Variants in KANK1 observed in about 807,000 individuals in gnomAD.
KANK1 encodes KN motif and ankyrin repeat domains 1.
In KANK1, 109 loss-of-function variants were observed where a neutral mutation model predicts 106.2. The observed-to-expected ratio is 1.03, with a 90% CI of 0.88 to 1.20. The LOEUF is 1.20. KANK1 is among the 50% of genes most tolerant of loss of function. The pLI is 0.00. For missense variants in KANK1, 2,399 were observed against 1,710.7 expected, an observed-to-expected ratio of 1.40 and a Z score of -7.10; for synonymous variants, 873 against 652.2, an observed-to-expected ratio of 1.34 and a Z score of -5.16.
At chr9:538,379 A>G (rs2060415792) in intron 1 of KANK1, among the ~76,000 whole-genome samples, 1 of 152,188 alleles carries the variant, frequency 6.6e-6, no homozygotes, top group Admixed American at 6.5e-5. Flanking sequence ...CATCTTACAC[A>G]TTTCAGAATT....
intron 1 of KANK1, among the ~76,000 whole-genome samples, chr9:637,690 T>G (rs1220820876): frequency 4.6e-5 from 7 of 152,146 alleles, no homozygotes; most frequent in Non-Finnish European, 1.0e-4. Context: ...TTTTTCTAGT[T>G]AAATATTTAA....
intron 3 of KANK1, among the ~76,000 whole-genome samples, chr9:719,136 T>TA (rs1828603104): frequency 6.6e-6 from 1 of 151,972 alleles, no homozygotes. Context: ...AATTTTTTTT[T>TA]ATTATTATTT....
chr9:614,620 A>C (rs1485261609), intron 1 of KANK1, among the ~76,000 whole-genome samples: 1 of 152,036 alleles, frequency 6.6e-6, no homozygotes, highest in African/African-American at 2.4e-5. Flanking sequence ...GCCCTTGCCC[A>C]CTAAATGCCG....
chr9:642,174 G>T (rs555790906), intron 1 of KANK1, among the ~76,000 whole-genome samples: 2 of 151,512 alleles, frequency 1.3e-5, no homozygotes, highest in South Asian at 4.1e-4. Context: ...GGCAGATGCT[G>T]GGCTTTTTAA....
intron 1 of KANK1, among the ~76,000 whole-genome samples, chr9:651,961 T>C (rs1012812824): frequency 1.3e-5 from 2 of 152,202 alleles, no homozygotes; most frequent in Admixed American, 1.3e-4. Context: ...GTTTTGAGGA[T>C]GTGTTTACTA....
chr9:575,529 A>G (rs1587950919), intron 1 of KANK1, among the ~76,000 whole-genome samples: 2 of 145,154 alleles, frequency 1.4e-5, no homozygotes, highest in African/African-American at 5.1e-5. Context: ...AAAAAAAGCC[A>G]GGAATGGTGA....
intron 1 of KANK1, among the ~76,000 whole-genome samples, chr9:645,117 C>T (rs1368283664): frequency 9.4e-6 from 1 of 106,372 alleles, no homozygotes; most frequent in East Asian, 3.0e-4. Flanking sequence ...GGGCAAGACT[C>T]CATCTCTACA....
intron 1 of KANK1, among the ~76,000 whole-genome samples, chr9:590,564 A>G (rs532005245): frequency 1.1e-4 from 17 of 152,192 alleles, no homozygotes; most frequent in Non-Finnish European, 2.2e-4. Flanking sequence ...TGAAAGATGT[A>G]TCGATAAATA....
intron 1 of KANK1, among the ~76,000 whole-genome samples, chr9:595,367 G>C (rs957335043): frequency 2.6e-5 from 4 of 151,896 alleles, no homozygotes; most frequent in African/African-American, 9.7e-5. Flanking sequence ...TGCTGTGAAA[G>C]CACTCTGAAG....
chr9:585,857 G>C (rs1823330791), intron 1 of KANK1, among the ~76,000 whole-genome samples: 1 of 152,108 alleles, frequency 6.6e-6, no homozygotes. Context: ...GACGTTTATT[G>C]GAAATTAAAG....
chr9:712,205 C>G lies in KANK1; in HGVS notation c.1439C>G (p.Thr480Ser). 6.2e-7 allele frequency: 1 copy of G among 1,614,170 alleles called. No homozygotes were observed. Among genetic ancestry groups the G allele is most frequent in the Non-Finnish European group, 8.5e-7 (1 of 1,180,034 alleles). Residue 480 changes from threonine (T) to serine (S), a missense_variant, in exon 3 of 12, where the codon ACC becomes AGC. Transcript: ENST00000382297. ...CTAGAAGTACAGCTTAGAGAAACCACCCATGACCGGGAGATGACTAAACTG... is the reference window on the plus strand; with the variant it reads ...CTAGAAGTACAGCTTAGAGAAACCAGCCATGACCGGGAGATGACTAAACTG... The part of the protein sequence containing the change: ...YRLEVQLRET[T>S]HDREMTKLKQ...
At chr9:735,792 G>A (rs1324013917) in intron 7 of KANK1, 13 of 396,908 alleles carry the variant, frequency 3.3e-5, no homozygotes, top group African/African-American at 8.1e-5. Context: ...TCTGGAGTTC[G>A]AGACGAGCTT....
At chr9:717,637 A>G (rs1828074738) in intron 3 of KANK1, among the ~76,000 whole-genome samples, 1 of 150,904 alleles carries the variant, frequency 6.6e-6, no homozygotes. Context: ...TATAAAATAA[A>G]AAAGTTAAGA....
chr9:703,779 T>G (rs1823303078), intron 2 of KANK1, among the ~76,000 whole-genome samples: 1 of 152,078 alleles, frequency 6.6e-6, no homozygotes, highest in Admixed American at 6.6e-5. Flanking sequence ...TGGCGTGATC[T>G]TGACACACTG....
intron 1 of KANK1, among the ~76,000 whole-genome samples, chr9:632,737 T>A (rs1001964053): frequency 6.6e-6 from 1 of 152,200 alleles, no homozygotes; most frequent in African/African-American, 2.4e-5. Context: ...TTGCCCAGGC[T>A]GTAGTGCAGT....
chr9:624,253 A>G (rs1293098493), intron 1 of KANK1, among the ~76,000 whole-genome samples: 1 of 152,176 alleles, frequency 6.6e-6, no homozygotes, highest in Non-Finnish European at 1.5e-5. Context: ...GATGCTGGTC[A>G]AAGGGTACAA....
chr9:624,310 T>G (rs1002036096), intron 1 of KANK1, among the ~76,000 whole-genome samples: 9 of 152,178 alleles, frequency 5.9e-5, no homozygotes, highest in African/African-American at 2.2e-4. Flanking sequence ...GGGAGCGTCC[T>G]TAGTCTTTTC....
intron 2 of KANK1, among the ~76,000 whole-genome samples, chr9:684,748 GT>G (rs1374531332): frequency 2.0e-5 from 3 of 152,164 alleles, no homozygotes; most frequent in African/African-American, 7.2e-5. Context: ...TCTGAGAAAG[GT>G]TTGTATGGGC....
At chr9:637,122 G>T (rs937285238) in intron 1 of KANK1, among the ~76,000 whole-genome samples, 4 of 152,258 alleles carry the variant, frequency 2.6e-5, no homozygotes, top group East Asian at 3.9e-4. Context: ...AATTTCTGCT[G>T]TATCAGCAGA....
Sources: allele counts gnomAD v4.1 joint callset (sites outside exome capture counted in the v4.1 genomes callset), GRCh38; gene constraint gnomAD v4.1.1; transcripts MANE v1.5; gene names NCBI Gene and HGNC (gene_info 2026-07-23, HGNC 2026-07-21).